Variants in CA12 observed in about 807,000 individuals in gnomAD.
CA12 encodes carbonic anhydrase 12.
In CA12, 36 loss-of-function variants were observed where a neutral mutation model predicts 46.8. The ratio of observed to expected loss-of-function variants is 0.77; its 90% CI spans 0.59 to 1.02. CA12 has a LOEUF of 1.02. Ranked by LOEUF, CA12 falls within the 50% of genes least tolerant of loss-of-function variation. The pLI is 0.00. For missense variants in CA12, 436 were observed against 451.4 expected (o/e 0.97, Z 0.31); for synonymous variants, 202 against 187.0 (o/e 1.08, Z -0.65).
rs1234240393 is a variant in CA12 at position 63,331,681 on chromosome 15, C to G, written c.875-3551G>C. The G allele has an allele frequency of 1.3e-5, 2 of 152,246 alleles. 1 individual carries two copies. Among genetic ancestry groups the G allele is most frequent in the East Asian group, 3.9e-4 (2 of 5,190 alleles). 9.4% of individuals were successfully genotyped at this position (152,246 alleles called of 1,614,324 possible). On this transcript the variant is annotated intron_variant, in intron 8 of 10. Transcript: ENST00000178638. This position sits in a 1 kb window ranked among gnomAD's most constrained non-coding sequence, Gnocchi z 5.3. ...AGGAAACCACACAGATATAGAAGAA[C>G]TCGATGGTCACACACCTTGCCCAGG...
intron 8 of CA12, among the ~76,000 whole-genome samples, chr15:63,335,866 G>T (rs1054723083): frequency 6.6e-6 from 1 of 152,194 alleles, no homozygotes; most frequent in African/African-American, 2.4e-5. Context: ...GGTAAGAAAG[G>T]CCTCGTGAAT....
rs1189783773 is a variant in CA12, at chr15:63,331,141, G to A, written c.875-3011C>T. On this transcript the variant is annotated intron_variant, in intron 8 of 10. Coordinates refer to ENST00000178638, the MANE Select transcript of CA12 (RefSeq NM_001218.5). The surrounding 1 kb of genome is among the most constrained non-coding windows in gnomAD (Gnocchi z 5.3). ...ACCATCATGGAGGCTCAGCTTCTTT[G>A]CAGAAATGGGCTTGAGTCCCATTGG... 6.6e-6 allele frequency among the ~76,000 whole-genome samples: 1 copy of A among 152,222 alleles called. No individual in the cohort carries two copies. Among genetic ancestry groups the A allele is most frequent in the Non-Finnish European group, 1.5e-5 (1 of 68,038 alleles).
chr15:63,362,240 TA>T (rs1377152962), intron 2 of CA12, among the ~76,000 whole-genome samples: 5 of 152,230 alleles, frequency 3.3e-5, no homozygotes, highest in Non-Finnish European at 7.3e-5. Flanking sequence ...TCTGTAAGCT[TA>T]ACATGTGTTA....
In CA12 at chr15:63,328,837, A is replaced by G. The variant is rs1480609397; in HGVS notation, c.875-707T>C. 6.6e-6 allele frequency among the ~76,000 whole-genome samples: 1 copy of G among 152,120 alleles called. No individual in the cohort carries two copies. The highest frequency in any genetic ancestry group is 1.5e-5 in the Non-Finnish European group (1 of 68,022). ...TGCCTCAGCCTCCCGAGCAGCTGGG[A>G]CTGCAGGCGTGCACCACAACGCTTG... On this transcript the variant is annotated intron_variant, in intron 8 of 10. Transcript: ENST00000178638. This position sits in a 1 kb window ranked among gnomAD's most constrained non-coding sequence, Gnocchi z 5.9.
At chr15:63,370,036 C>T (rs2152626049) in intron 2 of CA12, among the ~76,000 whole-genome samples, 1 of 152,182 alleles carries the variant, frequency 6.6e-6, no homozygotes, top group East Asian at 1.9e-4. Context: ...TCCAGACAGA[C>T]CCTAGATGTC....
At chr15:63,361,751 G>A (rs2039366363) in intron 2 of CA12, among the ~76,000 whole-genome samples, 1 of 152,054 alleles carries the variant, frequency 6.6e-6, no homozygotes, top group African/African-American at 2.4e-5. Flanking sequence ...AGTCAGGAGG[G>A]ACTCCAGTCC....
At chr15:63,337,662 G>T (rs987473623) in intron 8 of CA12, among the ~76,000 whole-genome samples, 4 of 152,106 alleles carry the variant, frequency 2.6e-5, no homozygotes, top group African/African-American at 9.7e-5. Context: ...TCACCATGTT[G>T]GTCCGGCTGG....
intron 4 of CA12, among the ~76,000 whole-genome samples, chr15:63,343,924 C>T (rs2039113684): frequency 6.6e-6 from 1 of 152,008 alleles, no homozygotes; most frequent in Admixed American, 6.6e-5. Context: ...AAAAAAGCAA[C>T]ACACCTCACA....
At position 63,322,625 on chromosome 15, in the gene CA12, G is replaced by A. The variant is rs1192072647; in HGVS notation, c.*3660C>T. The A allele has an allele frequency of 6.6e-6, 1 of 152,228 alleles. No individual in the cohort carries two copies. The highest frequency in any genetic ancestry group is 2.4e-5 in the African/African-American group (1 of 41,456). The allele number at this position is 152,228 out of a possible 1,614,324, so 9.4% of individuals were successfully genotyped here. A position where few individuals can be genotyped will look rare whatever the true frequency, so the allele number is the denominator to read the frequency against. ...CCTGATCATTCAGCCAGTGGATGTG[G>A]AATTCAGGGAGATGAGAGATGCTCA... On this transcript the variant is annotated 3_prime_UTR_variant, in exon 11 of 11. Coordinates refer to ENST00000178638, the MANE Select transcript of CA12 (RefSeq NM_001218.5). This position sits in a 1 kb window ranked among gnomAD's most constrained non-coding sequence, Gnocchi z 4.1.
Position 63,354,829 on chromosome 15 carries a change from C to A in CA12, c.107-8120G>T, listed in dbSNP as rs1659786107. On this transcript the variant is annotated intron_variant, in intron 2 of 10. Coordinates refer to ENST00000178638, the MANE Select transcript of CA12 (RefSeq NM_001218.5). Reference sequence around the variant, plus strand: ...AACCATAAGGCTGGGGCTGCCAGCTCAGCCCTCCACCCACCCTCAGGAAGT... The same window carrying A: ...AACCATAAGGCTGGGGCTGCCAGCTAAGCCCTCCACCCACCCTCAGGAAGT... Among the ~76,000 whole-genome samples the A allele has an allele frequency of 2.0e-5, 3 of 152,270 alleles. No individual in the cohort carries two copies. The South Asian group carries it at 6.2e-4, about 32-fold the overall frequency.
At chr15:63,371,835 G>C (rs1339493657) in intron 2 of CA12, among the ~76,000 whole-genome samples, 1 of 10,380 alleles carries the variant, frequency 9.6e-5, no homozygotes, top group East Asian at 9.5e-4. Flanking sequence ...GAACACACTA[G>C]GGTTTTTTTT....
Position 63,336,290 on chromosome 15 carries a change from A to G in CA12, c.874+2529T>C, listed in dbSNP as rs190760793. Among the ~76,000 whole-genome samples, 442 of 152,280 alleles carry G rather than the reference A, an allele frequency of 2.9e-3. 1 individual carries two copies. The South Asian group carries it at 0.04, about 14-fold the overall frequency. Reference sequence around the variant, plus strand: ...AAAAACCTGCCTACGCTGCCCCACTACAAGCAGCTGCTTAGACACAAGCCG... The same window carrying G: ...AAAAACCTGCCTACGCTGCCCCACTGCAAGCAGCTGCTTAGACACAAGCCG... On this transcript the variant is annotated intron_variant, in intron 8 of 10. Transcript: ENST00000178638.
At chr15:63,336,646 G>A (rs1039934086) in intron 8 of CA12, among the ~76,000 whole-genome samples, 6 of 149,758 alleles carry the variant, frequency 4.0e-5, no homozygotes, top group African/African-American at 1.5e-4. Context: ...CACCTCCCGG[G>A]TTCAAGCGAT....
chr15:63,332,284 G>C (rs577237126), intron 8 of CA12, among the ~76,000 whole-genome samples: 25 of 152,288 alleles, frequency 1.6e-4, no homozygotes, highest in African/African-American at 5.1e-4. Flanking sequence ...ATTTAACTGC[G>C]GAGTTTTCCT....
chr15:63,321,499 C>A lies in CA12; in HGVS notation c.*4786G>T, dbSNP rs2038790166. 1 of 152,316 alleles carries A rather than the reference C, an allele frequency of 6.6e-6. No individual in the cohort carries two copies. Among genetic ancestry groups the A allele is most frequent in the African/African-American group, 2.4e-5 (1 of 41,474 alleles). 9.4% of individuals were successfully genotyped at this position (152,316 alleles called of 1,614,324 possible). A position where few individuals can be genotyped will look rare whatever the true frequency, so the allele number is the denominator to read the frequency against. On this transcript the variant is annotated 3_prime_UTR_variant, in exon 11 of 11. Transcript: ENST00000178638. The surrounding 1 kb of genome is among the most constrained non-coding windows in gnomAD (Gnocchi z 4.5). ...TGGAGCCCGGGGACACCCTCGGTGG[C>A]ATTGTCGGGCCACATACCTTTCCCC...
intron 2 of CA12, among the ~76,000 whole-genome samples, chr15:63,356,679 C>T (rs1351691296): frequency 1.3e-5 from 2 of 152,082 alleles, no homozygotes; most frequent in Admixed American, 6.5e-5. Context: ...CACATCACCA[C>T]ACCCAGCTAA....
chr15:63,358,383 G>A (rs2039318619), intron 2 of CA12, among the ~76,000 whole-genome samples: 1 of 152,200 alleles, frequency 6.6e-6, no homozygotes, highest in African/African-American at 2.4e-5. Context: ...CACACAGGGT[G>A]ATGTAGCAAT....
intron 2 of CA12, among the ~76,000 whole-genome samples, chr15:63,359,743 A>G (rs2039337637): frequency 1.3e-5 from 2 of 152,178 alleles, no homozygotes; most frequent in African/African-American, 2.4e-5. Flanking sequence ...AAAAAATGCT[A>G]TCAAGGATAG....
chr15:63,347,337 C>A (rs12591040), intron 2 of CA12, among the ~76,000 whole-genome samples: 3,969 of 152,242 alleles, frequency 0.026, 154 homozygotes, highest in East Asian at 0.14. Context: ...TGAAGAGAAA[C>A]CCCTGAGGAC....
Sources: allele counts gnomAD v4.1 joint callset (sites outside exome capture counted in the v4.1 genomes callset), GRCh38; gene constraint gnomAD v4.1.1; non-coding constraint Gnocchi (gnomAD v3.1); transcripts MANE v1.5; gene names NCBI Gene and HGNC (gene_info 2026-07-23, HGNC 2026-07-21).